Variants in MGAT5 observed in about 807,000 individuals in gnomAD.
MGAT5 encodes alpha-1,6-mannosylglycoprotein 6-beta-N-acetylglucosaminyltransferase, also known as alpha-1,6-mannosylglycoprotein 6-beta-N-acetylglucosaminyltransferase A.
Under a neutral mutation model 94.3 loss-of-function variants are expected in MGAT5, and 30 were observed. The observed-to-expected ratio is 0.32, with a 90% confidence interval of 0.24 to 0.43. The LOEUF (loss-of-function observed/expected upper bound fraction) is 0.43. Among genes scored for constraint, MGAT5 ranks in the 20% least tolerant of loss-of-function variants. MGAT5 has a pLI of 1.00. For synonymous variants in MGAT5, 310 were observed against 322.9 expected (o/e 0.96, Z 0.43); for missense variants, 691 against 905.5 (o/e 0.76, Z 3.04).
intron 10 of MGAT5, among the ~76,000 whole-genome samples, chr2:134,374,095 A>G (rs1282725211): frequency 2.0e-5 from 3 of 152,204 alleles, no homozygotes; most frequent in Non-Finnish European, 4.4e-5. Context: ...AGAGAAAAGC[A>G]AAGTTAGTTG....
chr2:134,251,775 A>G (rs56807763), upstream of MGAT5, among the ~76,000 whole-genome samples: 3 of 152,118 alleles, frequency 2.0e-5, no homozygotes, highest in Non-Finnish European at 4.4e-5. Context: ...GAACACTTAA[A>G]ATTGTCTCTT....
rs548525152 is a variant in MGAT5 at position 134,387,166 on chromosome 2, CAGG to C, written c.1381-15819_1381-15817del. On this transcript the variant is annotated intron_variant, in intron 10 of 15. Transcript: ENST00000281923. ...ATCCCAGCTACTCGGGAGGCTGAGGCAGGAGAATTGCTTGAACCCGGGAGGTGG... is the reference window on the plus strand; with the variant it reads ...ATCCCAGCTACTCGGGAGGCTGAGGCAGAATTGCTTGAACCCGGGAGGTGG... Among the ~76,000 whole-genome samples the C allele has an allele frequency of 2.4e-3, 368 of 151,528 alleles. 3 individuals are homozygous for C. The highest frequency in any genetic ancestry group is 8.4e-3 in the African/African-American group (347 of 41,266).
At chr2:134,151,740 CCTCA>C (rs199745599) in intron 1 of MGAT5, among the ~76,000 whole-genome samples, 2,088 of 141,642 alleles carry the variant, frequency 0.015, 175 homozygotes, top group African/African-American at 0.058. Flanking sequence ...CGCCATGGGA[CCTCA>C]CTCACTCATC....
intron 11 of MGAT5, among the ~76,000 whole-genome samples, chr2:134,409,619 T>C (rs561471046): frequency 6.6e-6 from 1 of 152,320 alleles, no homozygotes; most frequent in East Asian, 1.9e-4. Context: ...CAGAAAAGTA[T>C]GTGTTGTGTG....
chr2:134,246,195 G>C (rs575299591), intron 1 of MGAT5, among the ~76,000 whole-genome samples: 2 of 143,784 alleles, frequency 1.4e-5, no homozygotes, highest in Non-Finnish European at 3.0e-5. Context: ...AAAGGACCCA[G>C]GTCCTGAAAG....
At chr2:134,271,313 C>G (rs60136963) in intron 2 of MGAT5, among the ~76,000 whole-genome samples, 7,231 of 151,982 alleles carry the variant, frequency 0.048, 335 homozygotes, top group East Asian at 0.14. Flanking sequence ...TTAGGGTGAC[C>G]ACGATTTTCT....
At chr2:134,236,147 C>T (rs1257193) in intron 1 of MGAT5, among the ~76,000 whole-genome samples, 100,766 of 152,116 alleles carry the variant, frequency 0.66, 33,459 homozygotes, top group South Asian at 0.69. Context: ...AAGCTCTGCC[C>T]CTAGCCCTGT....
chr2:134,414,280 G>GC (rs1683842421), intron 12 of MGAT5, among the ~76,000 whole-genome samples: 2 of 151,920 alleles, frequency 1.3e-5, no homozygotes, highest in Non-Finnish European at 2.9e-5. Flanking sequence ...GTACATCTGT[G>GC]TGCTAGGTGC....
intron 1 of MGAT5, among the ~76,000 whole-genome samples, chr2:134,177,278 G>A (rs187916984): frequency 9.3e-4 from 141 of 152,198 alleles, no homozygotes; most frequent in Non-Finnish European, 1.6e-3. Context: ...AAGAACTTCT[G>A]TAGCAACCCA....
chr2:134,441,529 T>C (rs1177160714), intron 14 of MGAT5, among the ~76,000 whole-genome samples: 5 of 152,226 alleles, frequency 3.3e-5, no homozygotes, highest in Non-Finnish European at 4.4e-5. Context: ...AAGGCACTGC[T>C]GTTGGTCCCT....
intron 1 of MGAT5, among the ~76,000 whole-genome samples, chr2:134,224,004 A>T (rs1420762411): frequency 1.3e-5 from 2 of 152,206 alleles, no homozygotes; most frequent in African/African-American, 2.4e-5. Context: ...TTACCCAAAT[A>T]ACTTAAAAGA....
rs368119591 is a variant in MGAT5, at chr2:134,414,788, C to T, written c.1677+1773C>T. Reference sequence around the variant, plus strand: ...CCCACGCACCAGTCTCTGGGAATCACGAATGTATTCTCTGCTCTGCGAGTT... The same window carrying T: ...CCCACGCACCAGTCTCTGGGAATCATGAATGTATTCTCTGCTCTGCGAGTT... On this transcript the variant is annotated intron_variant, in intron 12 of 15. Coordinates refer to ENST00000281923, the MANE Select transcript of MGAT5 (RefSeq NM_002410.5). Among the ~76,000 whole-genome samples the T allele has an allele frequency of 2.6e-5, 4 of 152,264 alleles. No individual in the cohort carries two copies. In the East Asian group the frequency reaches 5.8e-4, roughly 22 times the overall value.
chr2:134,266,954 G>T (rs1334502550), intron 1 of MGAT5, among the ~76,000 whole-genome samples: 1 of 152,210 alleles, frequency 6.6e-6, no homozygotes, highest in East Asian at 1.9e-4. Flanking sequence ...TAAAGAAAGA[G>T]TCTTAATTTT....
At chr2:134,181,295 T>C (rs1424490321) in intron 1 of MGAT5, among the ~76,000 whole-genome samples, 2 of 152,336 alleles carry the variant, frequency 1.3e-5, no homozygotes, top group East Asian at 3.9e-4. Context: ...CCAGGAATTA[T>C]CCAGCGTAAA....
At chr2:134,320,440 C>T (rs1282683809) in intron 4 of MGAT5, among the ~76,000 whole-genome samples, 1 of 151,764 alleles carries the variant, frequency 6.6e-6, no homozygotes, top group Non-Finnish European at 1.5e-5. Flanking sequence ...TTAAGGATAT[C>T]CATTTCACCT....
At chr2:134,344,526 A>C (rs1235881221) in intron 7 of MGAT5, among the ~76,000 whole-genome samples, 1 of 152,036 alleles carries the variant, frequency 6.6e-6, no homozygotes, top group Admixed American at 6.6e-5. Context: ...CTTTCTTTTC[A>C]ATATCTCATT....
chr2:134,331,816 T>C (rs1687993367), intron 4 of MGAT5, among the ~76,000 whole-genome samples: 1 of 151,952 alleles, frequency 6.6e-6, no homozygotes, highest in East Asian at 1.9e-4. Context: ...AATAGAACCA[T>C]TTTCAGGTCA....
intron 1 of MGAT5, among the ~76,000 whole-genome samples, chr2:134,223,480 A>T (rs1680894642): frequency 6.6e-6 from 1 of 152,124 alleles, no homozygotes; most frequent in Admixed American, 6.5e-5. Context: ...TTATAAGAGT[A>T]ATTTGTATGT....
At position 134,221,727 on chromosome 2, in the gene MGAT5, A is replaced by G. The variant is rs369458825; in HGVS notation, c.-142-32535A>G. ...TCAGAGTGGAAAGTTAAGTCACTAT[A>G]TACAGCATCAAATAAAACCCATCTG... On this transcript the variant is annotated intron_variant, in intron 1 of 16. Coordinates refer to the MGAT5 transcript ENST00000409645. Among the ~76,000 whole-genome samples, 15 of 152,366 alleles carry G rather than the reference A, an allele frequency of 9.8e-5. No homozygotes were observed. In the East Asian group the frequency reaches 2.7e-3, roughly 27 times the overall value.
Sources: gnomAD v4.1 joint callset for allele counts (sites outside exome capture counted in the v4.1 genomes callset) on GRCh38, gnomAD v4.1.1 for gene constraint, MANE v1.5 for transcripts, NCBI Gene and HGNC (gene_info 2026-07-23, HGNC 2026-07-21) for gene names.